PCNX2: variants seen among roughly 807,000 people sequenced by gnomAD.
The protein encoded by PCNX2 is pecanex-like protein 2.
PCNX2 carries 168 observed loss-of-function variants against 223.8 expected under a neutral mutation model. The observed-to-expected ratio is 0.75, with a 90% confidence interval of 0.66 to 0.85. The LOEUF (loss-of-function observed/expected upper bound fraction) is 0.85. Among genes scored for constraint, PCNX2 ranks in the 40% least tolerant of loss-of-function variants. The probability of loss-of-function intolerance (pLI) is 0.00; values close to 1 mark genes in which losing one functional copy is unlikely to be tolerated. For synonymous variants in PCNX2, 1,006 were observed against 1,052.6 expected (o/e 0.96, Z 0.86); for missense variants, 2,507 against 2,675.5 (o/e 0.94, Z 1.39).
intron 1 of PCNX2, among the ~76,000 whole-genome samples, chr1:233,266,716 C>T (rs7340000): frequency 0.39 from 59,593 of 152,000 alleles, 12,591 homozygotes; most frequent in African/African-American, 0.56. Context: ...AGGGAAATTA[C>T]AAGTTCTTAT....
At position 233,226,741 on chromosome 1, in the gene PCNX2, G is replaced by A. The variant is rs116630367; in HGVS notation, c.2504+485C>T. The stretch of plus-strand genomic sequence containing the variant: ...TCAAGTGAGTGTACATCAGATACAA[G>A]TGAGCAATAAGAATCCAAGGTGTCC... On this transcript the variant is annotated intron_variant, in intron 10 of 33. Coordinates refer to ENST00000258229, the MANE Select transcript of PCNX2 (RefSeq NM_014801.4). Among the ~76,000 whole-genome samples, 938 of 152,270 alleles carry A rather than the reference G, an allele frequency of 6.2e-3. 12 individuals are homozygous for A. Among genetic ancestry groups the A allele is most frequent in the African/African-American group, 0.021 (881 of 41,548 alleles).
At chr1:233,217,418 T>A (rs1054978470) in intron 12 of PCNX2, among the ~76,000 whole-genome samples, 16 of 152,302 alleles carry the variant, frequency 1.1e-4, no homozygotes, top group African/African-American at 3.9e-4. Context: ...TTGAGCAATC[T>A]CTATGTGTCA....
rs12088837 is a variant in PCNX2, at chr1:233,280,087, C to T, written c.153+15239G>A. On this transcript the variant is annotated intron_variant, in intron 1 of 33. Transcript: ENST00000258229. Reference sequence around the variant, plus strand: ...TCTTAACAGTGTTATCTGGAGATCCCTCTACAGCAGTCTATTTTCTCATTC... The same window carrying T: ...TCTTAACAGTGTTATCTGGAGATCCTTCTACAGCAGTCTATTTTCTCATTC... Among the ~76,000 whole-genome samples, 405 of 152,152 alleles carry T rather than the reference C, an allele frequency of 2.7e-3. 1 individual carries two copies. The highest frequency in any genetic ancestry group is 9.4e-3 in the African/African-American group (388 of 41,464).
At chr1:233,231,062 A>G (rs1233438075) in intron 9 of PCNX2, among the ~76,000 whole-genome samples, 2 of 152,186 alleles carry the variant, frequency 1.3e-5, no homozygotes, top group Admixed American at 1.3e-4. Flanking sequence ...AAAGATCACA[A>G]TAGCTCAGTT....
chr1:233,106,856 A>G (rs1366391390), intron 21 of PCNX2, among the ~76,000 whole-genome samples: 1 of 152,072 alleles, frequency 6.6e-6, no homozygotes, highest in African/African-American at 2.4e-5. Context: ...TGGATATCTA[A>G]CTTACACATT....
At chr1:233,188,888 C>A (rs77983678) in intron 15 of PCNX2, among the ~76,000 whole-genome samples, 1 of 152,142 alleles carries the variant, frequency 6.6e-6, no homozygotes, top group Non-Finnish European at 1.5e-5. Flanking sequence ...ACTACATCTG[C>A]GAAATCCCTT....
At chr1:233,043,185 T>C (rs1423224776) in intron 25 of PCNX2, among the ~76,000 whole-genome samples, 5 of 152,170 alleles carry the variant, frequency 3.3e-5, no homozygotes, top group Non-Finnish European at 7.3e-5. Context: ...CCTCTTCTCA[T>C]AGAAATAAAC....
chr1:233,265,016 T>C (rs1033321), intron 1 of PCNX2, among the ~76,000 whole-genome samples: 45,344 of 151,920 alleles, frequency 0.3, 6,979 homozygotes, highest in South Asian at 0.45. Flanking sequence ...GGCAGAAGGA[T>C]TGCTTGAGCC....
At chr1:233,226,638 CCCA>C (rs2102944823) in intron 10 of PCNX2, among the ~76,000 whole-genome samples, 1 of 152,260 alleles carries the variant, frequency 6.6e-6, no homozygotes, top group Non-Finnish European at 1.5e-5. Context: ...CAGCTCCAAC[CCCA>C]CAACGTTTTG....
intron 14 of PCNX2, among the ~76,000 whole-genome samples, chr1:233,199,605 T>C (rs1163471950): frequency 6.6e-6 from 1 of 152,180 alleles, no homozygotes; most frequent in Non-Finnish European, 1.5e-5. Context: ...AGTTAAGCAA[T>C]TTATGTCACG....
At position 232,983,447 on chromosome 1, in the gene PCNX2, T is replaced by C. The variant is rs1348353418; in HGVS notation, c.*857A>G. ...CTGGACGCAGCAATAACTATAAACA[T>C]TTTAATTTCAAAAACAAAGGTGTGT... On this transcript the variant is annotated 3_prime_UTR_variant, in exon 34 of 34. Transcript: ENST00000258229. 1 of 152,240 alleles carries C rather than the reference T, an allele frequency of 6.6e-6. No homozygotes were observed. Among genetic ancestry groups the C allele is most frequent in the Non-Finnish European group, 1.5e-5 (1 of 68,048 alleles). The allele number at this position is 152,240 out of a possible 1,614,324, so 9.4% of individuals were successfully genotyped here.
intron 19 of PCNX2, among the ~76,000 whole-genome samples, chr1:233,150,806 G>C (rs1031648273): frequency 6.6e-6 from 1 of 151,682 alleles, no homozygotes; most frequent in Non-Finnish European, 1.5e-5. Context: ...TCCTCAAAAA[G>C]CGGGAGAAAC....
At chr1:233,120,148 CAGTGAG>C (rs1675686998) in intron 21 of PCNX2, among the ~76,000 whole-genome samples, 1 of 107,236 alleles carries the variant, frequency 9.3e-6, no homozygotes, top group Non-Finnish European at 1.7e-5. Context: ...GCCTGGGTGA[CAGTGAG>C]ACTCCATTTC....
the PCNX2 span, among the ~76,000 whole-genome samples, chr1:233,310,590 C>A: frequency 6.6e-6 from 1 of 152,172 alleles, no homozygotes; most frequent in African/African-American, 2.4e-5. Context: ...CATTCAGCTT[C>A]CTGGATGTTC....
chr1:233,318,334 G>A, the PCNX2 span, among the ~76,000 whole-genome samples: 8 of 151,952 alleles, frequency 5.3e-5, no homozygotes, highest in South Asian at 2.1e-4. Context: ...CCCTTTAACC[G>A]CTGCAGTTTT....
chr1:233,057,573 CA>C, intron 23 of PCNX2: 1 of 329,620 alleles, frequency 3.0e-6, no homozygotes, highest in Non-Finnish European at 5.7e-6. Context: ...TCTGCAAAAT[CA>C]AAGCAAGTAT....
At chr1:233,273,188 AT>A (rs769695998) in intron 1 of PCNX2, among the ~76,000 whole-genome samples, 14,916 of 151,808 alleles carry the variant, frequency 0.098, 888 homozygotes, top group South Asian at 0.19. Context: ...ATATAAAAAA[AT>A]AATAATTTAA....
rs140613537 is a variant in PCNX2 at position 233,111,313 on chromosome 1, T to A, written c.3838-15450A>T. 2.9e-3 allele frequency among the ~76,000 whole-genome samples: 443 copies of A among 152,342 alleles called. 2 individuals are homozygous for A. The highest frequency in any genetic ancestry group is 0.01 in the African/African-American group (424 of 41,582). On this transcript the variant is annotated intron_variant, in intron 21 of 33. Transcript: ENST00000258229. ...TGAAGATTGAATGAGGTCATCCATG[T>A]ACATTTTTAGCTCAAGAACCAGAAT... is the stretch of plus-strand genomic sequence containing the variant.
At chr1:232,988,214 A>T (rs763525526) in intron 32 of PCNX2, among the ~76,000 whole-genome samples, 3 of 152,246 alleles carry the variant, frequency 2.0e-5, no homozygotes, top group Admixed American at 1.3e-4. Context: ...ATCACTGTCC[A>T]AAAATACTCC....
Sources: gnomAD v4.1 joint callset for allele counts (sites outside exome capture counted in the v4.1 genomes callset) on GRCh38, gnomAD v4.1.1 for gene constraint, MANE v1.5 for transcripts, NCBI Gene and HGNC (gene_info 2026-07-23, HGNC 2026-07-21) for gene names.